The following MBD5 variants were observed in gnomAD, a reference collection of about 807,000 sequenced individuals.
The protein encoded by MBD5 is methyl-CpG binding domain protein 5.
Under a neutral mutation model 117.3 loss-of-function variants are expected in MBD5, and 13 were observed. That is an observed-to-expected ratio of 0.11 (90% CI 0.07 to 0.18). The LOEUF is 0.18. MBD5 is among the 10% of genes least tolerant of loss of function. The probability of loss-of-function intolerance (pLI) is 1.00; values close to 1 mark genes in which losing one functional copy is unlikely to be tolerated. For synonymous variants in MBD5, 727 were observed against 766.4 expected (o/e 0.95, Z 0.85); for missense variants, 1,879 against 2,093.8 (o/e 0.90, Z 2.00).
intron 1 of MBD5, among the ~76,000 whole-genome samples, chr2:148,143,584 T>A (rs989458242): frequency 2.0e-5 from 3 of 152,178 alleles, no homozygotes; most frequent in Admixed American, 6.5e-5. Context: ...CCTTAACTCG[T>A]CATTTACATT....
rs536451998 is a variant in MBD5, at chr2:148,477,666, G to A, written c.2519-5444G>A. Among the ~76,000 whole-genome samples the A allele has an allele frequency of 8.5e-5, 13 of 152,128 alleles. No homozygotes were observed. The South Asian group carries it at 2.5e-3, about 29-fold the overall frequency. The stretch of plus-strand genomic sequence containing the variant: ...TACTATTTCAATGGGATTGAAAAGT[G>A]AATTATATTTATTAGACTCACTAAG... On this transcript the variant is annotated intron_variant, in intron 8 of 13. Coordinates refer to ENST00000642680, the MANE Select transcript of MBD5 (RefSeq NM_001378120.1).
intron 1 of MBD5, among the ~76,000 whole-genome samples, chr2:148,142,649 C>T (rs1455096698): frequency 6.6e-6 from 1 of 152,042 alleles, no homozygotes; most frequent in African/African-American, 2.4e-5. Flanking sequence ...AGGGTCCTAT[C>T]CAGGAAAGGG....
intron 4 of MBD5, among the ~76,000 whole-genome samples, chr2:148,422,907 G>C (rs1705652051): frequency 6.6e-6 from 1 of 152,042 alleles, no homozygotes; most frequent in African/African-American, 2.4e-5. Flanking sequence ...AAGAAACAAA[G>C]CCTCCAAGAA....
intron 2 of MBD5, among the ~76,000 whole-genome samples, chr2:148,204,792 C>G (rs568718950): frequency 2.0e-5 from 3 of 152,230 alleles, no homozygotes; most frequent in South Asian, 2.1e-4. Flanking sequence ...TCAAGAAATA[C>G]TTTTTGAAAA....
At chr2:148,183,338 C>T (rs778993957) in intron 2 of MBD5, among the ~76,000 whole-genome samples, 5 of 151,774 alleles carry the variant, frequency 3.3e-5, no homozygotes, top group Non-Finnish European at 5.9e-5. Context: ...GGTATTTCCC[C>T]TTACAAAAAG....
At chr2:148,188,727 C>CA (rs983799331) in intron 2 of MBD5, among the ~76,000 whole-genome samples, 5 of 148,748 alleles carry the variant, frequency 3.4e-5, no homozygotes, top group African/African-American at 1.2e-4. Flanking sequence ...AAGAAGACAA[C>CA]ATTAAAAATA....
intron 11 of MBD5, among the ~76,000 whole-genome samples, chr2:148,495,794 A>G (rs1196873397): frequency 3.3e-5 from 5 of 152,218 alleles, no homozygotes; most frequent in Non-Finnish European, 7.3e-5. Context: ...AAAACCAACA[A>G]AACTTATCTT....
rs1574339983 is a variant in MBD5 at position 148,366,669 on chromosome 2, C to T, written c.-557+24333C>T. 4.6e-5 allele frequency among the ~76,000 whole-genome samples: 7 copies of T among 152,104 alleles called. No homozygotes were observed. In the South Asian group the frequency reaches 1.5e-3, roughly 32 times the overall value. Reference sequence around the variant, plus strand: ...TCAATGTGCAAAAATCACAAGCATTCCTATACACCAATAATAAACAAGCGG... The same window carrying T: ...TCAATGTGCAAAAATCACAAGCATTTCTATACACCAATAATAAACAAGCGG... On this transcript the variant is annotated intron_variant, in intron 4 of 13. Coordinates refer to ENST00000642680, the MANE Select transcript of MBD5 (RefSeq NM_001378120.1).
chr2:148,494,971 A>T (rs969099945), intron 11 of MBD5, among the ~76,000 whole-genome samples: 2 of 152,158 alleles, frequency 1.3e-5, no homozygotes, highest in Admixed American at 6.5e-5. Flanking sequence ...TCAAATAAAA[A>T]AAATAAAATA....
intron 12 of MBD5, among the ~76,000 whole-genome samples, chr2:148,507,032 C>A (rs1574502836): frequency 6.6e-6 from 1 of 152,136 alleles, no homozygotes; most frequent in Non-Finnish European, 1.5e-5. Flanking sequence ...AATTTCATGC[C>A]CCACATCTAT....
intron 3 of MBD5, among the ~76,000 whole-genome samples, chr2:148,241,277 T>G (rs1700211246): frequency 6.6e-6 from 1 of 152,100 alleles, no homozygotes; most frequent in South Asian, 2.1e-4. Flanking sequence ...AGAGAGTGGA[T>G]CTATTTTGGT....
intron 1 of MBD5, among the ~76,000 whole-genome samples, chr2:148,151,550 C>T (rs946294037): frequency 3.3e-5 from 5 of 152,140 alleles, no homozygotes; most frequent in African/African-American, 7.2e-5. Flanking sequence ...TGGTAAAATT[C>T]GGCATGAATC....
intron 3 of MBD5, among the ~76,000 whole-genome samples, chr2:148,252,620 G>A (rs1204319718): frequency 6.6e-6 from 1 of 152,124 alleles, no homozygotes; most frequent in Non-Finnish European, 1.5e-5. Context: ...TGCAATCATG[G>A]CTCACTGCAG....
In MBD5 at chr2:148,381,549, G is replaced by A. The variant is rs201615082; in HGVS notation, c.-557+39213G>A. 4.6e-3 allele frequency among the ~76,000 whole-genome samples: 697 copies of A among 152,268 alleles called. 44 individuals carry two copies. In the East Asian group the frequency reaches 0.12, roughly 27 times the overall value. ...AAAACACTCTGCAGGATATTATCCA[G>A]GAGAACTTCCCCAATCTAGCAAGGC... On this transcript the variant is annotated intron_variant, in intron 4 of 13. Coordinates refer to ENST00000642680, the MANE Select transcript of MBD5 (RefSeq NM_001378120.1).
intron 2 of MBD5, among the ~76,000 whole-genome samples, chr2:148,230,045 T>G (rs1316431773): frequency 6.6e-6 from 1 of 152,120 alleles, no homozygotes; most frequent in East Asian, 1.9e-4. Context: ...CTGTAACCAC[T>G]CCTGGGCTTC....
chr2:148,085,152 A>G (rs2105186867), intron 1 of MBD5, among the ~76,000 whole-genome samples: 1 of 152,324 alleles, frequency 6.6e-6, no homozygotes, highest in Non-Finnish European at 1.5e-5. Flanking sequence ...GCTCAGGTCC[A>G]GGGAGTTTTG....
intron 4 of MBD5, among the ~76,000 whole-genome samples, chr2:148,392,298 G>A (rs1413240710): frequency 6.6e-6 from 1 of 152,100 alleles, no homozygotes; most frequent in African/African-American, 2.4e-5. Context: ...ATAAACTGGG[G>A]AACTGCCAAA....
At chr2:148,110,589 TC>T (rs1186134739) in intron 1 of MBD5, among the ~76,000 whole-genome samples, 1 of 152,094 alleles carries the variant, frequency 6.6e-6, no homozygotes, top group Non-Finnish European at 1.5e-5. Flanking sequence ...TCTATTTTCA[TC>T]CTTTGGCCTG....
chr2:148,505,149 A>G (rs1183411031), intron 12 of MBD5, among the ~76,000 whole-genome samples: 1 of 152,156 alleles, frequency 6.6e-6, no homozygotes, highest in Admixed American at 6.5e-5. Context: ...GTGATTGATC[A>G]GAATGTAAAG....
Sources: allele counts gnomAD v4.1 joint callset (sites outside exome capture counted in the v4.1 genomes callset), GRCh38; gene constraint gnomAD v4.1.1; transcripts MANE v1.5; gene names NCBI Gene and HGNC (gene_info 2026-07-23, HGNC 2026-07-21).